PTPRT: variants seen among roughly 807,000 people sequenced by gnomAD.
PTPRT encodes receptor-type tyrosine-protein phosphatase T.
Under a neutral mutation model 176.8 loss-of-function variants are expected in PTPRT, and 56 were observed. The ratio of observed to expected loss-of-function variants is 0.32; its 90% CI spans 0.26 to 0.40. PTPRT has a LOEUF of 0.40. Among genes scored for constraint, PTPRT ranks in the 10% least tolerant of loss-of-function variants. The probability of loss-of-function intolerance (pLI) is 1.00; values close to 1 mark genes in which losing one functional copy is unlikely to be tolerated. For synonymous variants in PTPRT, 783 were observed against 739.0 expected (o/e 1.06, Z -0.96); for missense variants, 1,540 against 1,908.2 (o/e 0.81, Z 3.60).
At chr20:42,501,584 A>G (rs1454135488) in intron 7 of PTPRT, among the ~76,000 whole-genome samples, 1 of 152,184 alleles carries the variant, frequency 6.6e-6, no homozygotes, top group African/African-American at 2.4e-5. Context: ...ATTGAAACAC[A>G]GCCACACCTA....
chr20:42,707,828 A>C (rs2146188894), intron 6 of PTPRT, among the ~76,000 whole-genome samples: 1 of 152,308 alleles, frequency 6.6e-6, no homozygotes, highest in East Asian at 1.9e-4. Context: ...ATTTTTATCC[A>C]GTGTCTCCAG....
chr20:42,550,671 C>A (rs755043922), intron 7 of PTPRT, among the ~76,000 whole-genome samples: 4 of 152,052 alleles, frequency 2.6e-5, no homozygotes, highest in African/African-American at 4.8e-5. Flanking sequence ...CGGGGCTAAG[C>A]TGCATCCTTT....
rs116347634 is a variant in PTPRT at position 42,824,467 on chromosome 20, T to C, written c.215-33001A>G. Among the ~76,000 whole-genome samples, 1,114 of 152,070 alleles carry C rather than the reference T, an allele frequency of 7.3e-3. 13 individuals are homozygous for C. Among genetic ancestry groups the C allele is most frequent in the African/African-American group, 0.025 (1,045 of 41,474 alleles). On this transcript the variant is annotated intron_variant, in intron 2 of 30. Coordinates refer to ENST00000373187, the MANE Select transcript of PTPRT (RefSeq NM_007050.6). ...GAAGAAAGAACATCAATAGACCATA[T>C]ATGAGAATGCATTTGATGAGAACAG...
intron 1 of PTPRT, among the ~76,000 whole-genome samples, chr20:43,137,784 G>T (rs539947224): frequency 6.6e-6 from 1 of 152,158 alleles, no homozygotes; most frequent in African/African-American, 2.4e-5. Flanking sequence ...ACACACACGC[G>T]CGTACACACA....
At chr20:43,164,062 G>A (rs2014787282) in intron 1 of PTPRT, among the ~76,000 whole-genome samples, 1 of 152,188 alleles carries the variant, frequency 6.6e-6, no homozygotes, top group Non-Finnish European at 1.5e-5. Flanking sequence ...GCAATGTACT[G>A]ATGATTATTT....
intron 8 of PTPRT, among the ~76,000 whole-genome samples, chr20:42,471,821 A>T (rs1293515168): frequency 3.3e-5 from 5 of 151,624 alleles, no homozygotes; most frequent in Non-Finnish European, 7.4e-5. Context: ...ACGCCTGGTA[A>T]TTTCTTTTGT....
At chr20:42,206,753 C>A (rs545307555) in intron 15 of PTPRT, among the ~76,000 whole-genome samples, 3 of 152,216 alleles carry the variant, frequency 2.0e-5, no homozygotes, top group Non-Finnish European at 2.9e-5. Context: ...CAAAGCAGCC[C>A]GGAAGCTCGA....
intron 7 of PTPRT, among the ~76,000 whole-genome samples, chr20:42,581,601 AC>A (rs2073373903): frequency 6.6e-6 from 1 of 152,122 alleles, no homozygotes; most frequent in Admixed American, 6.5e-5. Flanking sequence ...ATTTTTTTAA[AC>A]ATTACTCCAT....
intron 17 of PTPRT, among the ~76,000 whole-genome samples, chr20:42,145,497 CATAGATAGATAGATAGATAG>C (rs59838948): frequency 1.4e-5 from 2 of 144,444 alleles, no homozygotes; most frequent in Admixed American, 1.4e-4. Flanking sequence ...GACTTTGTCT[CATAGATAGATAGATAGATAG>C]ATAGATAGAT....
At chr20:42,112,598 C>T (rs1987062603) in intron 22 of PTPRT, among the ~76,000 whole-genome samples, 1 of 152,146 alleles carries the variant, frequency 6.6e-6, no homozygotes, top group Non-Finnish European at 1.5e-5. Context: ...CAGTACCATT[C>T]ATGTTCCAGG....
intron 15 of PTPRT, among the ~76,000 whole-genome samples, chr20:42,221,162 C>A (rs1034411904): frequency 6.6e-6 from 1 of 152,134 alleles, no homozygotes; most frequent in Non-Finnish European, 1.5e-5. Context: ...CACCATCACA[C>A]CCAGCTCATT....
In PTPRT at chr20:42,678,171, G is replaced by A. The variant is rs2146069624; in HGVS notation, c.860-12C>T. The A allele has an allele frequency of 6.2e-7, 1 of 1,608,092 alleles. No homozygotes were observed. The highest frequency in any genetic ancestry group is 2.2e-5 in the East Asian group (1 of 44,746). On this transcript the variant is annotated splice_polypyrimidine_tract_variant and intron_variant, in intron 6 of 30. Transcript: ENST00000373187. ...GGGCGTGGGAGGCTCTGTAAGACAAGCAATCAAAAAGGACTGTCAGATTCA... is the reference window on the plus strand; with the variant it reads ...GGGCGTGGGAGGCTCTGTAAGACAAACAATCAAAAAGGACTGTCAGATTCA...
chr20:42,229,060 G>A (rs996206742), intron 15 of PTPRT, among the ~76,000 whole-genome samples: 1 of 152,168 alleles, frequency 6.6e-6, no homozygotes, highest in Admixed American at 6.5e-5. Context: ...CACACAAGGG[G>A]GATAGGAAGA....
At chr20:42,556,483 C>T (rs2072863124) in intron 7 of PTPRT, among the ~76,000 whole-genome samples, 1 of 152,032 alleles carries the variant, frequency 6.6e-6, no homozygotes, top group South Asian at 2.1e-4. Context: ...TTCCTGAAAC[C>T]AAGAATATCA....
At chr20:42,294,343 T>A (rs948939160) in intron 12 of PTPRT, among the ~76,000 whole-genome samples, 26 of 151,966 alleles carry the variant, frequency 1.7e-4, no homozygotes, top group Admixed American at 1.7e-3. Context: ...ATAGGTTCAA[T>A]GGGTGAAAAT....
At chr20:42,510,531 G>A (rs145149110) in intron 7 of PTPRT, among the ~76,000 whole-genome samples, 13 of 152,082 alleles carry the variant, frequency 8.5e-5, no homozygotes, top group African/African-American at 2.9e-4. Context: ...TACAAGATGT[G>A]CTATGGTGTC....
intron 16 of PTPRT, among the ~76,000 whole-genome samples, chr20:42,191,372 A>C (rs572795716): frequency 1.3e-5 from 2 of 152,314 alleles, no homozygotes; most frequent in Admixed American, 1.3e-4. Flanking sequence ...TAATTAAAAC[A>C]TGAGTGATAT....
intron 11 of PTPRT, among the ~76,000 whole-genome samples, chr20:42,340,236 T>C (rs931248767): frequency 3.9e-5 from 6 of 152,180 alleles, no homozygotes; most frequent in Non-Finnish European, 7.4e-5. Context: ...ATAGTTACTG[T>C]ATTGGACAGT....
At chr20:42,936,646 A>C (rs577414777) in intron 1 of PTPRT, among the ~76,000 whole-genome samples, 336 of 152,320 alleles carry the variant, frequency 2.2e-3, no homozygotes, top group African/African-American at 7.5e-3. Flanking sequence ...AGGAGGCTGC[A>C]GGTCTACTCT....
Sources: allele counts gnomAD v4.1 joint callset (sites outside exome capture counted in the v4.1 genomes callset), GRCh38; gene constraint gnomAD v4.1.1; transcripts MANE v1.5; gene names NCBI Gene and HGNC (gene_info 2026-07-23, HGNC 2026-07-21).